Variants in NFIA observed in about 807,000 individuals in gnomAD.
The protein encoded by NFIA is nuclear factor 1 A-type.
In NFIA, 8 loss-of-function variants were observed where a neutral mutation model predicts 62.8. The observed-to-expected ratio is 0.13, with a 90% CI of 0.07 to 0.23. The LOEUF (loss-of-function observed/expected upper bound fraction) is 0.23. NFIA is among the 10% of genes least tolerant of loss of function. The pLI is 1.00. For missense variants in NFIA, 410 were observed against 642.1 expected (o/e 0.64, Z 3.91); for synonymous variants, 235 against 238.1 (o/e 0.99, Z 0.12).
intron 3 of NFIA, among the ~76,000 whole-genome samples, chr1:61,297,628 A>G (rs1659257219): frequency 6.6e-6 from 1 of 152,114 alleles, no homozygotes; most frequent in South Asian, 2.1e-4. Context: ...TGCTGTGTTC[A>G]GGGTGCTGTT....
chr1:61,077,598 G>T, upstream of NFIA: 1 of 1,387,948 alleles, frequency 7.2e-7, no homozygotes, highest in Non-Finnish European at 9.5e-7. Flanking sequence ...GCATTTTAAA[G>T]TTTCTCACGT....
chr1:61,285,685 C>T (rs77885105), intron 3 of NFIA, among the ~76,000 whole-genome samples: 2,555 of 152,206 alleles, frequency 0.017, 85 homozygotes, highest in African/African-American at 0.058. Flanking sequence ...GTAGGGGGCA[C>T]TATTTGCTGC....
chr1:61,403,777 A>G (rs1228597601), intron 7 of NFIA, among the ~76,000 whole-genome samples: 1 of 152,234 alleles, frequency 6.6e-6, no homozygotes, highest in Non-Finnish European at 1.5e-5. Context: ...CTAATCTACC[A>G]AATACATTTT....
chr1:61,299,693 A>G (rs1659390754), intron 3 of NFIA, among the ~76,000 whole-genome samples: 1 of 152,160 alleles, frequency 6.6e-6, no homozygotes, highest in Non-Finnish European at 1.5e-5. Context: ...CAGTAGGTAC[A>G]CACGCTGTAC....
At chr1:61,083,052 C>T (rs1267979510) in intron 1 of NFIA, among the ~76,000 whole-genome samples, 1 of 152,108 alleles carries the variant, frequency 6.6e-6, no homozygotes, top group South Asian at 2.1e-4. Context: ...TCCTCTTGCA[C>T]GGCCATTTGT....
chr1:61,080,621 A>G (rs148462180), upstream of NFIA, among the ~76,000 whole-genome samples: 2 of 152,284 alleles, frequency 1.3e-5, no homozygotes, highest in African/African-American at 4.8e-5. Context: ...CTTTTAGGAC[A>G]TTCCTCCCCT....
intron 2 of NFIA, among the ~76,000 whole-genome samples, chr1:61,271,521 C>A (rs188340613): frequency 6.6e-6 from 1 of 152,308 alleles, no homozygotes; most frequent in African/African-American, 2.4e-5. Context: ...CTTGACAATG[C>A]GGTACAGGGG....
At chr1:61,159,385 G>A (rs931343526) in intron 2 of NFIA, among the ~76,000 whole-genome samples, 1 of 152,124 alleles carries the variant, frequency 6.6e-6, no homozygotes, top group Admixed American at 6.5e-5. Flanking sequence ...AAACTTCAAT[G>A]TGCATACGAA....
chr1:61,318,353 C>T (rs1200195997), intron 3 of NFIA, among the ~76,000 whole-genome samples: 2 of 152,124 alleles, frequency 1.3e-5, no homozygotes, highest in African/African-American at 4.8e-5. Flanking sequence ...TCCGTGGTTG[C>T]AAGCTGACAC....
chr1:61,398,498 TA>T (rs1308639355), intron 7 of NFIA, among the ~76,000 whole-genome samples: 1 of 152,222 alleles, frequency 6.6e-6, no homozygotes, highest in Non-Finnish European at 1.5e-5. Flanking sequence ...AACCGTGGCA[TA>T]AAGTTACTTT....
intron 3 of NFIA, among the ~76,000 whole-genome samples, chr1:61,288,660 G>C (rs918114266): frequency 1.3e-5 from 2 of 152,128 alleles, no homozygotes; most frequent in Non-Finnish European, 2.9e-5. Context: ...GAGATTTATT[G>C]GGGCAATACC....
At position 61,462,043 on chromosome 1, in the gene NFIA, G is replaced by GTTTTTTTTTTTTTTTTTTTTTT. The variant is rs1668560526; in HGVS notation, c.*6723_*6724insTTTTTTTTTTTTTTTTTTTTTT. 3.1e-5 allele frequency: 1 copy of GTTTTTTTTTTTTTTTTTTTTTT among 32,166 alleles called. No homozygotes were observed. The highest frequency in any genetic ancestry group is 1.7e-4 in the African/African-American group (1 of 6,040). 2.0% of individuals were successfully genotyped at this position (32,166 alleles called of 1,614,324 possible). On this transcript the variant is annotated 3_prime_UTR_variant, in exon 11 of 11. Coordinates refer to ENST00000403491, the MANE Select transcript of NFIA (RefSeq NM_001134673.4). ...TTTTGGGTTTTTTTTTTTTTTTTTT[G>GTTTTTTTTTTTTTTTTTTTTTT]GCTTTTTTTTTTGTTTGTTTTTTTT...
At chr1:61,348,622 TC>T (rs1340719005) in intron 4 of NFIA, among the ~76,000 whole-genome samples, 1 of 152,242 alleles carries the variant, frequency 6.6e-6, no homozygotes, top group Admixed American at 6.5e-5. Flanking sequence ...CACAGGCTTT[TC>T]TTTTTCTTCC....
chr1:61,263,401 G>A (rs75074989), intron 2 of NFIA, among the ~76,000 whole-genome samples: 5,965 of 152,188 alleles, frequency 0.039, 417 homozygotes, highest in African/African-American at 0.14. Context: ...AGGAGTGTGG[G>A]GTGAGGATGT....
intron 10 of NFIA, among the ~76,000 whole-genome samples, chr1:61,432,570 T>G: frequency 6.6e-6 from 1 of 150,916 alleles, no homozygotes; most frequent in African/African-American, 2.4e-5. Flanking sequence ...CAGATTTCCT[T>G]AGAGGGAAAA....
At chr1:61,358,668 T>C (rs1162988325) in intron 5 of NFIA, among the ~76,000 whole-genome samples, 1 of 152,106 alleles carries the variant, frequency 6.6e-6, no homozygotes, top group Non-Finnish European at 1.5e-5. Flanking sequence ...GATTACAGGC[T>C]TGAGCCACCA....
intron 2 of NFIA, among the ~76,000 whole-genome samples, chr1:61,226,429 T>C (rs1275444966): frequency 1.3e-5 from 2 of 152,234 alleles, no homozygotes; most frequent in African/African-American, 4.8e-5. Flanking sequence ...TTTGTATTTT[T>C]ATGTATTTAT....
At chr1:61,418,739 C>T (rs1020159602) in intron 9 of NFIA, among the ~76,000 whole-genome samples, 1 of 152,154 alleles carries the variant, frequency 6.6e-6, no homozygotes, top group Non-Finnish European at 1.5e-5. Context: ...ATGTAATGAA[C>T]ATCTTGTAGC....
intron 2 of NFIA, among the ~76,000 whole-genome samples, chr1:61,238,718 T>C (rs1272493614): frequency 6.6e-6 from 1 of 152,202 alleles, no homozygotes; most frequent in East Asian, 1.9e-4. Context: ...TCCCTCTTGG[T>C]TTCTCCACTA....
Sources: allele counts gnomAD v4.1 joint callset (sites outside exome capture counted in the v4.1 genomes callset), GRCh38; gene constraint gnomAD v4.1.1; transcripts MANE v1.5; gene names NCBI Gene and HGNC (gene_info 2026-07-23, HGNC 2026-07-21).